CORO7: variants seen among roughly 807,000 people sequenced by gnomAD.
CORO7 encodes coronin-7.
Under a neutral mutation model 126.6 loss-of-function variants are expected in CORO7, and 107 were observed. The observed-to-expected ratio is 0.85, with a 90% confidence interval of 0.72 to 0.99. CORO7 has a LOEUF of 0.99. Among genes scored for constraint, CORO7 ranks in the 50% least tolerant of loss-of-function variants. The pLI is 0.00. For missense variants in CORO7, 1,314 were observed against 1,255.8 expected (o/e 1.05, Z -0.70); for synonymous variants, 603 against 536.8 (o/e 1.12, Z -1.70).
chr16:4,365,552 AAG>A lies in CORO7; in HGVS notation c.786-9_786-8del. ...CAGCAGAGGCACGAGACACCTGGGG[AAG>A]AGAGGGCAAGATGGCGGGTCAGGGC... On this transcript the variant is annotated splice_polypyrimidine_tract_variant and splice_region_variant and intron_variant, in intron 9 of 27. Coordinates refer to ENST00000251166, the MANE Select transcript of CORO7 (RefSeq NM_024535.5). The A allele has an allele frequency of 6.3e-7, 1 of 1,575,664 alleles. No individual in the cohort carries two copies. Among genetic ancestry groups the A allele is most frequent in the Non-Finnish European group, 8.6e-7 (1 of 1,160,810 alleles).
chr16:4,388,040 T>C lies in CORO7; in HGVS notation c.731A>G (p.Asp244Gly). 6.2e-7 allele frequency: 1 copy of C among 1,613,038 alleles called. No individual in the cohort carries two copies. Residue 244 changes from aspartate to glycine, a missense_variant, in exon 9 of 28, where the codon GAC becomes GGC. Asp to Gly is a moderately conservative substitution (Grantham distance 94, BLOSUM62 -1). Transcript: ENST00000251166. ...QMREREVKLWDTRFFSSALAS... is the reference protein window; with the variant it reads ...QMREREVKLWGTRFFSSALAS... ...CAGGGCGCTGGAGAAGAACCGCGTG[T>C]CCCACAGCTTCACTTCGCGCTCACG...
chr16:4,396,817 A>T (rs1380938776), intron 6 of CORO7, among the ~76,000 whole-genome samples: 1 of 151,996 alleles, frequency 6.6e-6, no homozygotes, highest in Non-Finnish European at 1.5e-5. Flanking sequence ...GGAGTTTGAG[A>T]CTAGTCTGGT....
chr16:4,381,188 A>G (rs747080014), intron 9 of CORO7: 1 of 1,612,060 alleles, frequency 6.2e-7, no homozygotes, highest in Non-Finnish European at 8.5e-7. Flanking sequence ...AACCTCAGCA[A>G]CCTGGACCTG....
Position 4,361,247 on chromosome 16 carries a change from A to T in CORO7, c.1689T>A (p.Ala563=). ...ACAGTCGGATCCTGGCGTCCTCACC[A>T]GCTGCAGAGGACAGACAGGGGCTCA... ...DPFDPHRLAV[A]GEDARIRLWR... The change falls in exon 18 of 28, where the codon GCT becomes GCA. Residue 563 remains alanine (A), a splice_region_variant and synonymous_variant. Coordinates refer to ENST00000251166, the MANE Select transcript of CORO7 (RefSeq NM_024535.5). 2.5e-6 allele frequency: 4 copies of T among 1,612,614 alleles called. No individual in the cohort carries two copies. The highest frequency in any genetic ancestry group is 3.4e-6 in the Non-Finnish European group (4 of 1,179,954).
At chr16:4,376,383 C>G (rs561600964) in intron 9 of CORO7, among the ~76,000 whole-genome samples, 1 of 152,196 alleles carries the variant, frequency 6.6e-6, no homozygotes, top group African/African-American at 2.4e-5. Context: ...AGAGCCTTGG[C>G]GGGCCAGCAT....
At chr16:4,415,546 G>A (rs1289024196) in intron 1 of CORO7, among the ~76,000 whole-genome samples, 1 of 152,160 alleles carries the variant, frequency 6.6e-6, no homozygotes, top group East Asian at 1.9e-4. Context: ...TGTTCACCGG[G>A]ATGTCTCCAG....
At chr16:4,397,798 A>C (rs1029920967) in intron 6 of CORO7, among the ~76,000 whole-genome samples, 2 of 152,024 alleles carry the variant, frequency 1.3e-5, no homozygotes, top group Non-Finnish European at 2.9e-5. Flanking sequence ...TATTTTTACT[A>C]GAGTCGGGGT....
At chr16:4,366,339 T>C (rs1373295429) in intron 9 of CORO7, among the ~76,000 whole-genome samples, 1 of 151,768 alleles carries the variant, frequency 6.6e-6, no homozygotes, top group Non-Finnish European at 1.5e-5. Context: ...CAGCTCAGCC[T>C]TGGCCAACTG....
chr16:4,392,133 C>T (rs1011962162), intron 7 of CORO7, among the ~76,000 whole-genome samples: 2 of 152,158 alleles, frequency 1.3e-5, no homozygotes, highest in African/African-American at 2.4e-5. Context: ...GGGCTCAATC[C>T]GGGGCCCCCT....
intron 27 of CORO7, 26 bp downstream of exon 27, chr16:4,355,260 G>T: frequency 6.2e-7 from 1 of 1,612,272 alleles, no homozygotes. Flanking sequence ...GCTGCCTGCC[G>T]GGAAGTGAGG....
At chr16:4,396,022 T>C (rs1177154858) in intron 6 of CORO7, among the ~76,000 whole-genome samples, 1 of 117,798 alleles carries the variant, frequency 8.5e-6, no homozygotes, top group Non-Finnish European at 1.9e-5. Flanking sequence ...ACACAAACAT[T>C]CATGCATAAA....
In CORO7 at chr16:4,409,699, C is replaced by A. The variant is rs531262232; in HGVS notation, c.233-1448G>T. 7.2e-4 allele frequency among the ~76,000 whole-genome samples: 109 copies of A among 152,354 alleles called. 1 individual carries two copies. The highest frequency in any genetic ancestry group is 5.5e-3 in the Admixed American group (84 of 15,308). ...CTGCCTTTTCCCACTGGAGCGGGCC[C>A]CAGCTGCCGCCCCACAGCCTGGACA... On this transcript the variant is annotated intron_variant, in intron 3 of 27. Transcript: ENST00000251166.
intron 9 of CORO7, among the ~76,000 whole-genome samples, chr16:4,368,021 A>G (rs1179056179): frequency 6.6e-6 from 1 of 152,182 alleles, no homozygotes; most frequent in Non-Finnish European, 1.5e-5. Flanking sequence ...CCTGGGCAAC[A>G]TCATGAGACC....
At chr16:4,408,279 C>G in intron 3 of CORO7, 28 bp from the exon 4 acceptor site, 3 of 1,614,110 alleles carry the variant, frequency 1.9e-6, no homozygotes, top group African/African-American at 1.3e-5. Context: ...CTGAACCCAC[C>G]GGAATGTCCT....
intron 1 of CORO7, chr16:4,415,968 G>C: frequency 1.2e-6 from 1 of 815,196 alleles, no homozygotes; most frequent in Non-Finnish European, 1.5e-6. Flanking sequence ...GTGCGGCCGA[G>C]GGGCTCCCTC....
Position 4,360,554 on chromosome 16 carries a change from G to C in CORO7, c.1918-6C>G, listed in dbSNP as rs1232416570. The C allele has an allele frequency of 4.4e-6, 7 of 1,591,290 alleles. No homozygotes were observed. Among genetic ancestry groups the C allele is most frequent in the Non-Finnish European group, 6.0e-6 (7 of 1,169,614 alleles). ...CTCCAGGCCAGGCTGAAGATCTGGGGGCAGGAAGGGATATGAGAGACAGCC... is the reference window on the plus strand; with the variant it reads ...CTCCAGGCCAGGCTGAAGATCTGGGCGCAGGAAGGGATATGAGAGACAGCC... On this transcript the variant is annotated splice_polypyrimidine_tract_variant and splice_region_variant and intron_variant, in intron 19 of 27. Coordinates refer to ENST00000251166, the MANE Select transcript of CORO7 (RefSeq NM_024535.5).
At position 4,408,259 on chromosome 16, in the gene CORO7, A is replaced by G. The variant is rs772915538; in HGVS notation, c.233-8T>C. On this transcript the variant is annotated splice_polypyrimidine_tract_variant and splice_region_variant and intron_variant, in intron 3 of 27. Transcript: ENST00000251166. ...CCAAGTCGGTGACTAGGTCTGTGGGAGAGGAATGGCTGAACCCACCGGAAT... is the reference window on the plus strand; with the variant it reads ...CCAAGTCGGTGACTAGGTCTGTGGGGGAGGAATGGCTGAACCCACCGGAAT... 13 of 1,614,060 alleles carry G rather than the reference A, an allele frequency of 8.1e-6. No individual in the cohort carries two copies. Among genetic ancestry groups the G allele is most frequent in the African/African-American group, 1.3e-5 (1 of 74,914 alleles).
At position 4,416,585 on chromosome 16, in the gene CORO7, G is replaced by T; in HGVS notation, c.-67C>A. On this transcript the variant is annotated 5_prime_UTR_variant, in exon 1 of 28. Coordinates refer to ENST00000251166, the MANE Select transcript of CORO7 (RefSeq NM_024535.5). ...GCGTCGGGTCTCAGGTGCACGCTGA[G>T]CAACCGCGACTCCCGCTGCCTCGGC... The T allele has an allele frequency of 6.5e-7, 1 of 1,543,946 alleles. No homozygotes were observed.
intron 9 of CORO7, among the ~76,000 whole-genome samples, chr16:4,371,125 C>G (rs28494859): frequency 0.031 from 4,798 of 152,336 alleles, 245 homozygotes; most frequent in African/African-American, 0.11. Context: ...CTCCACAGCT[C>G]AGGCTTGAAG....
Sources: allele counts gnomAD v4.1 joint callset (sites outside exome capture counted in the v4.1 genomes callset), GRCh38; gene constraint gnomAD v4.1.1; transcripts MANE v1.5; gene names NCBI Gene and HGNC (gene_info 2026-07-23, HGNC 2026-07-21).